The following ARHGAP12 variants were observed in gnomAD, a reference collection of about 807,000 sequenced individuals.
The protein encoded by ARHGAP12 is rho GTPase-activating protein 12.
Under a neutral mutation model 108.6 loss-of-function variants are expected in ARHGAP12, and 64 were observed. The ratio of observed to expected loss-of-function variants is 0.59; its 90% confidence interval spans 0.48 to 0.73. The LOEUF (loss-of-function observed/expected upper bound fraction) is 0.73. Among genes scored for constraint, ARHGAP12 ranks in the 30% least tolerant of loss-of-function variants. ARHGAP12 has a pLI of 0.00. For synonymous variants in ARHGAP12, 312 were observed against 337.2 expected, an observed-to-expected ratio of 0.93 and a Z score of 0.82; for missense variants, 940 against 1,005.9, an observed-to-expected ratio of 0.93 and a Z score of 0.89.
At chr10:31,857,513 G>A (rs562312352) in intron 4 of ARHGAP12, among the ~76,000 whole-genome samples, 226 of 152,138 alleles carry the variant, frequency 1.5e-3, no homozygotes, top group Non-Finnish European at 9.9e-4. Context: ...ATATGGGGGC[G>A]AGCCTATATT....
chr10:31,808,600 C>T (rs770467452), intron 19 of ARHGAP12, 49 bp downstream of exon 19: 22 of 1,553,880 alleles, frequency 1.4e-5, no homozygotes, highest in Admixed American at 1.1e-4. Context: ...CAGGCCTTCC[C>T]GCTTCCCCTT....
chr10:31,886,849 T>A (rs1385947884), intron 3 of ARHGAP12, among the ~76,000 whole-genome samples: 6 of 152,190 alleles, frequency 3.9e-5, no homozygotes. Context: ...CCAGAATAAC[T>A]GGCCCAGACA....
intron 7 of ARHGAP12, among the ~76,000 whole-genome samples, chr10:31,842,735 T>G (rs1289307470): frequency 1.3e-5 from 2 of 152,098 alleles, no homozygotes; most frequent in Admixed American, 1.3e-4. Context: ...CTGTTAGTCA[T>G]GCTACAAGAA....
intron 6 of ARHGAP12, among the ~76,000 whole-genome samples, chr10:31,848,813 C>T (rs1041262919): frequency 6.6e-6 from 1 of 152,124 alleles, no homozygotes; most frequent in Non-Finnish European, 1.5e-5. Flanking sequence ...TGGCTCACGC[C>T]TGTAATTCCA....
At chr10:31,880,159 T>C (rs1187700118) in intron 3 of ARHGAP12, among the ~76,000 whole-genome samples, 1 of 152,202 alleles carries the variant, frequency 6.6e-6, no homozygotes, top group East Asian at 1.9e-4. Flanking sequence ...TCAAGTAAAT[T>C]AGATGTCACA....
At chr10:31,903,422 C>G (rs1164623015) in intron 3 of ARHGAP12, among the ~76,000 whole-genome samples, 2 of 152,176 alleles carry the variant, frequency 1.3e-5, no homozygotes, top group African/African-American at 4.8e-5. Context: ...TATACACACA[C>G]ACATACACAA....
intron 3 of ARHGAP12, among the ~76,000 whole-genome samples, chr10:31,877,170 T>C (rs1228654372): frequency 6.6e-6 from 1 of 152,216 alleles, no homozygotes; most frequent in African/African-American, 2.4e-5. Flanking sequence ...TTTGGGACGC[T>C]GTTGCGCATT....
chr10:31,888,939 T>C (rs1442487246), intron 3 of ARHGAP12, among the ~76,000 whole-genome samples: 1 of 151,888 alleles, frequency 6.6e-6, no homozygotes, highest in East Asian at 1.9e-4. Flanking sequence ...AGACAGAGTC[T>C]CGCTCTGTTG....
intron 3 of ARHGAP12, among the ~76,000 whole-genome samples, chr10:31,876,823 T>C (rs908499888): frequency 6.6e-6 from 1 of 152,238 alleles, no homozygotes; most frequent in Non-Finnish European, 1.5e-5. Context: ...AACCGCAGTT[T>C]GTTTTTCAAG....
chr10:31,911,307 A>G (rs2132464960), intron 1 of ARHGAP12, among the ~76,000 whole-genome samples: 1 of 152,326 alleles, frequency 6.6e-6, no homozygotes, highest in East Asian at 1.9e-4. Context: ...TATAGGCATG[A>G]GCCACCGCAC....
At chr10:31,928,535 GCGCCGC>G (rs557487682) in intron 1 of ARHGAP12, 142 bp downstream of exon 1, 20 of 152,060 alleles carry the variant, frequency 1.3e-4, no homozygotes, top group African/African-American at 1.5e-4. Flanking sequence ...CACCTCCGCG[GCGCCGC>G]CGCCGCCGCC....
intron 3 of ARHGAP12, among the ~76,000 whole-genome samples, chr10:31,870,752 C>T (rs970087261): frequency 6.6e-6 from 1 of 152,034 alleles, no homozygotes. Flanking sequence ...TCATTTAAAG[C>T]CAAATTTTAG....
At chr10:31,923,941 A>G (rs1017316804) in intron 1 of ARHGAP12, among the ~76,000 whole-genome samples, 2 of 152,246 alleles carry the variant, frequency 1.3e-5, no homozygotes, top group Non-Finnish European at 2.9e-5. Context: ...TTATACAGCA[A>G]TTATACCTCA....
intron 9 of ARHGAP12, among the ~76,000 whole-genome samples, chr10:31,835,152 C>A (rs551510183): frequency 6.7e-6 from 1 of 149,812 alleles, no homozygotes; most frequent in Admixed American, 6.7e-5. Context: ...GAGCCGAGAT[C>A]GCGCCACTGC....
chr10:31,877,134 T>C (rs1025022367), intron 3 of ARHGAP12, among the ~76,000 whole-genome samples: 3 of 152,204 alleles, frequency 2.0e-5, no homozygotes, highest in Admixed American at 6.5e-5. Context: ...AGTTAAGATT[T>C]ACTAATTTCT....
chr10:31,881,684 G>A (rs1403159674), intron 3 of ARHGAP12, among the ~76,000 whole-genome samples: 2 of 152,110 alleles, frequency 1.3e-5, no homozygotes, highest in Non-Finnish European at 2.9e-5. Context: ...AACCAGGAAG[G>A]TCTATTTAAT....
At chr10:31,863,886 A>C (rs1837225535) in intron 3 of ARHGAP12, among the ~76,000 whole-genome samples, 1 of 152,156 alleles carries the variant, frequency 6.6e-6, no homozygotes, top group Admixed American at 6.5e-5. Flanking sequence ...TTTGACTTTT[A>C]AAAATTATTA....
intron 6 of ARHGAP12, among the ~76,000 whole-genome samples, chr10:31,851,862 A>T (rs989376285): frequency 1.3e-5 from 2 of 152,208 alleles, no homozygotes; most frequent in Non-Finnish European, 2.9e-5. Flanking sequence ...ATATTTGTCC[A>T]CTAATTACGG....
chr10:31,892,600 A>C (rs1208404012), intron 3 of ARHGAP12, among the ~76,000 whole-genome samples: 1 of 152,214 alleles, frequency 6.6e-6, no homozygotes, highest in Non-Finnish European at 1.5e-5. Context: ...CAGATTCATA[A>C]AGCAAGTCCT....
Sources: gnomAD v4.1 joint callset for allele counts (sites outside exome capture counted in the v4.1 genomes callset) on GRCh38, gnomAD v4.1.1 for gene constraint, MANE v1.5 for transcripts, NCBI Gene and HGNC (gene_info 2026-07-23, HGNC 2026-07-21) for gene names.